CYP3A43: variants seen among roughly 807,000 people sequenced by gnomAD.
CYP3A43 encodes cytochrome P450 family 3 subfamily A member 43, also known as cytochrome P450 3A43.
Under a neutral mutation model 58.0 loss-of-function variants are expected in CYP3A43, and 45 were observed. The ratio of observed to expected loss-of-function variants is 0.78; its 90% CI spans 0.61 to 0.99. The LOEUF is 0.99. Among genes scored for constraint, CYP3A43 ranks in the 50% least tolerant of loss-of-function variants. The pLI is 0.00. For missense variants in CYP3A43, 593 were observed against 591.9 expected, an observed-to-expected ratio of 1.00 and a Z score of -0.02; for synonymous variants, 191 against 201.4, an observed-to-expected ratio of 0.95 and a Z score of 0.44.
rs534836221 is a variant in CYP3A43, at chr7:99,847,518, G to A, written c.349G>A (p.Ala117Thr). The change falls in exon 5 of 13, where the codon GCC (alanine) becomes ACC (threonine). Residue 117 changes from alanine to threonine, a missense_variant. Coordinates refer to ENST00000354829, the MANE Select transcript of CYP3A43 (RefSeq NM_057095.3). ...AGGTCCAATGGGATTTCTGAAAAGTGCCTTAAGTTTTGCTGAAGATGAAGA... is the reference window on the plus strand; with the variant it reads ...AGGTCCAATGGGATTTCTGAAAAGTACCTTAAGTTTTGCTGAAGATGAAGA... ...PLGPMGFLKSALSFAEDEEWK... is the reference protein window; with the variant it reads ...PLGPMGFLKSTLSFAEDEEWK... 6.6e-5 allele frequency: 106 copies of A among 1,613,944 alleles called. 2 individuals are homozygous for A. The South Asian group carries it at 7.6e-4, about 12-fold the overall frequency.
intron 3 of CYP3A43, among the ~76,000 whole-genome samples, chr7:99,840,770 C>T (rs1393947737): frequency 6.6e-6 from 1 of 152,142 alleles, no homozygotes; most frequent in Non-Finnish European, 1.5e-5. Flanking sequence ...CTCAATAAAC[C>T]TCTATCAATC....
chr7:99,851,163 A>G (rs970063540), intron 7 of CYP3A43, among the ~76,000 whole-genome samples: 3 of 101,802 alleles, frequency 2.9e-5, no homozygotes, highest in Admixed American at 8.9e-5. Flanking sequence ...GACCCCGTCT[A>G]AAAAAAAAAA....
intron 10 of CYP3A43, among the ~76,000 whole-genome samples, chr7:99,860,733 G>A (rs547799935): frequency 1.3e-5 from 2 of 152,306 alleles, no homozygotes; most frequent in Admixed American, 6.5e-5. Context: ...TGCCCGGAGG[G>A]TTCCTATCCT....
chr7:99,831,937 T>C (rs879461395), intron 1 of CYP3A43, among the ~76,000 whole-genome samples: 32 of 152,206 alleles, frequency 2.1e-4, no homozygotes, highest in Non-Finnish European at 7.3e-5. Flanking sequence ...CTGTAGTTTA[T>C]ATCAATCAAA....
At chr7:99,857,509 A>G (rs763687502) in intron 9 of CYP3A43, among the ~76,000 whole-genome samples, 3 of 152,206 alleles carry the variant, frequency 2.0e-5, no homozygotes, top group East Asian at 1.9e-4. Context: ...TTTGACAACC[A>G]TATGACATAA....
rs1818256463 is a variant in CYP3A43, at chr7:99,861,971, A to G, written c.1253+132A>G. ...TGGAAGTTTTTTATTACAAAATGAT[A>G]ACTGTTAAACTTTACAAACCATAGA... is the stretch of plus-strand genomic sequence containing the variant. On this transcript the variant is annotated intron_variant, in intron 11 of 12. Coordinates refer to ENST00000354829, the MANE Select transcript of CYP3A43 (RefSeq NM_057095.3). 4.1e-6 allele frequency: 3 copies of G among 734,930 alleles called. No individual in the cohort carries two copies. In the South Asian group the frequency reaches 6.5e-5, roughly 16 times the overall value. The allele number at this position is 734,930 out of a possible 1,614,324, so 45.5% of individuals were successfully genotyped here.
chr7:99,832,384 C>G (rs1245044549), intron 1 of CYP3A43, among the ~76,000 whole-genome samples: 1 of 151,858 alleles, frequency 6.6e-6, no homozygotes, highest in East Asian at 1.9e-4. Flanking sequence ...TTCACCCATG[C>G]TGTTCTCATG....
intron 3 of CYP3A43, among the ~76,000 whole-genome samples, chr7:99,843,566 A>G (rs28696995): frequency 0.027 from 4,074 of 152,084 alleles, 182 homozygotes; most frequent in African/African-American, 0.093. Flanking sequence ...CCCGGGTTCA[A>G]GTGATTCTCC....
At chr7:99,845,918 G>A (rs560642527) in intron 4 of CYP3A43, among the ~76,000 whole-genome samples, 1 of 151,946 alleles carries the variant, frequency 6.6e-6, no homozygotes, top group South Asian at 2.1e-4. Context: ...TGGGATTACA[G>A]GCATGCGGCA....
chr7:99,840,496 A>AT (rs1371796577), intron 3 of CYP3A43, among the ~76,000 whole-genome samples: 19 of 152,092 alleles, frequency 1.2e-4, no homozygotes, highest in African/African-American at 4.6e-4. Context: ...TAAAATGTAG[A>AT]TTTTCTGAGT....
chr7:99,861,396 G>A (rs552267955), intron 10 of CYP3A43, among the ~76,000 whole-genome samples: 1 of 152,286 alleles, frequency 6.6e-6, no homozygotes, highest in South Asian at 2.1e-4. Flanking sequence ...CTCTGTGTAA[G>A]TGATTGTGCC....
chr7:99,838,327 C>T (rs1354578973), intron 2 of CYP3A43, among the ~76,000 whole-genome samples: 1 of 152,204 alleles, frequency 6.6e-6, no homozygotes, highest in Non-Finnish European at 1.5e-5. Context: ...AAAGTGGTCC[C>T]TGATGTTTTT....
At chr7:99,832,888 A>T (rs1301812870) in intron 1 of CYP3A43, among the ~76,000 whole-genome samples, 1 of 152,148 alleles carries the variant, frequency 6.6e-6, no homozygotes, top group Non-Finnish European at 1.5e-5. Context: ...TCTTTTCTTT[A>T]TAAATTACCC....
chr7:99,849,382 C>G (rs1817659279), intron 6 of CYP3A43, among the ~76,000 whole-genome samples, 164 bp from the exon 7 acceptor site: 1 of 152,210 alleles, frequency 6.6e-6, no homozygotes, highest in South Asian at 2.1e-4. Flanking sequence ...CACTGATACC[C>G]AATAAATGCC....
chr7:99,854,500 C>T (rs778964688), intron 7 of CYP3A43, among the ~76,000 whole-genome samples: 15 of 152,126 alleles, frequency 9.9e-5, no homozygotes, highest in Non-Finnish European at 1.9e-4. Flanking sequence ...CCACCGCGCC[C>T]GGCTGATGAT....
chr7:99,836,681 C>T (rs1443952611), intron 2 of CYP3A43, 135 bp downstream of exon 2: 2 of 644,396 alleles, frequency 3.1e-6, no homozygotes, highest in Non-Finnish European at 5.2e-6. Context: ...ATGCTCCACC[C>T]AGAGCAGGGC....
chr7:99,865,402 A>G (rs1482039549), intron 12 of CYP3A43, among the ~76,000 whole-genome samples: 1 of 148,654 alleles, frequency 6.7e-6, no homozygotes, highest in Non-Finnish European at 1.5e-5. Context: ...CTTCTTGAAG[A>G]TCTCTTCCCA....
At chr7:99,828,873 C>A (rs1182849652) in intron 1 of CYP3A43, among the ~76,000 whole-genome samples, 2 of 152,174 alleles carry the variant, frequency 1.3e-5, no homozygotes, top group East Asian at 3.8e-4. Flanking sequence ...TCCAAATAAT[C>A]TCATCAATCA....
rs1453120431 is a variant in CYP3A43, at chr7:99,863,625, G to T, written c.1342G>T (p.Ala448Ser). The T allele has an allele frequency of 6.2e-7, 1 of 1,613,838 alleles. No individual in the cohort carries two copies. The highest frequency in any genetic ancestry group is 1.3e-5 in the African/African-American group (1 of 74,920). Residue 448 changes from alanine (A) to serine (S), a missense_variant, in exon 12 of 13, where the codon GCT becomes TCT. Transcript: ENST00000354829. ...GPRNCIGMRF[A>S]LTNIKLAVIR... Reference sequence around the variant, plus strand: ...CCGAAACTGCATTGGCATGAGGTTTGCTCTCACAAACATAAAACTTGCTGT... The same window carrying T: ...CCGAAACTGCATTGGCATGAGGTTTTCTCTCACAAACATAAAACTTGCTGT...
Sources: allele counts gnomAD v4.1 joint callset (sites outside exome capture counted in the v4.1 genomes callset), GRCh38; gene constraint gnomAD v4.1.1; transcripts MANE v1.5; gene names NCBI Gene and HGNC (gene_info 2026-07-23, HGNC 2026-07-21).